PAN3: variants seen among roughly 807,000 people sequenced by gnomAD.
The protein encoded by PAN3 is poly(A) specific ribonuclease subunit PAN3.
A neutral mutation model predicts 96.2 loss-of-function variants in PAN3; 19 were observed. The observed-to-expected ratio is 0.20, with a 90% CI of 0.14 to 0.29. PAN3 has a LOEUF of 0.29. PAN3 is among the 10% of genes least tolerant of loss of function. The pLI is 1.00. For synonymous variants in PAN3, 433 were observed against 406.6 expected (o/e 1.06, Z -0.78); for missense variants, 882 against 1,108.1 (o/e 0.80, Z 2.90).
chr13:28,198,260 A>G (rs558112032), intron 5 of PAN3, among the ~76,000 whole-genome samples: 117 of 151,790 alleles, frequency 7.7e-4, no homozygotes, highest in Middle Eastern at 3.4e-3. Context: ...CACCCACTCC[A>G]GCCTGGGCAA....
At chr13:28,256,040 T>C (rs1286564229) in intron 6 of PAN3, among the ~76,000 whole-genome samples, 2 of 152,180 alleles carry the variant, frequency 1.3e-5, no homozygotes, top group African/African-American at 4.8e-5. Context: ...AACCTTGATA[T>C]GGAGGAGACT....
chr13:28,187,740 T>C (rs1466889730), intron 4 of PAN3, among the ~76,000 whole-genome samples: 1 of 152,234 alleles, frequency 6.6e-6, no homozygotes, highest in Non-Finnish European at 1.5e-5. Context: ...TTTTTGTTTT[T>C]TGAGGGGCAG....
intron 6 of PAN3, among the ~76,000 whole-genome samples, chr13:28,253,615 TAGAG>T (rs1664044793): frequency 6.6e-6 from 1 of 151,694 alleles, no homozygotes; most frequent in African/African-American, 2.4e-5. Flanking sequence ...TTTTTTTCCT[TAGAG>T]AGACAGGGTC....
intron 1 of PAN3, among the ~76,000 whole-genome samples, chr13:28,173,382 T>C (rs534710082): frequency 3.9e-5 from 6 of 152,356 alleles, no homozygotes; most frequent in African/African-American, 9.6e-5. Context: ...TTCAGCCATA[T>C]CCTGAAGTTG....
chr13:28,161,496 T>C (rs1447507862), intron 1 of PAN3, among the ~76,000 whole-genome samples: 1 of 152,206 alleles, frequency 6.6e-6, no homozygotes, highest in Non-Finnish European at 1.5e-5. Flanking sequence ...CCTAATGACC[T>C]CATCTTTAAT....
intron 9 of PAN3, among the ~76,000 whole-genome samples, chr13:28,264,931 T>C (rs569219076): frequency 2.6e-5 from 4 of 152,372 alleles, no homozygotes; most frequent in African/African-American, 9.6e-5. Context: ...ATGGCGACTT[T>C]ACCTCTTACA....
chr13:28,262,582 T>G (rs1393671243), intron 9 of PAN3, among the ~76,000 whole-genome samples: 2 of 152,162 alleles, frequency 1.3e-5, no homozygotes, highest in Non-Finnish European at 2.9e-5. Context: ...TAATATTGTA[T>G]TTGAGGCTTT....
At chr13:28,274,269 C>G (rs1264482371) in intron 14 of PAN3, among the ~76,000 whole-genome samples, 1 of 152,106 alleles carries the variant, frequency 6.6e-6, no homozygotes, top group Non-Finnish European at 1.5e-5. Flanking sequence ...TCATTCTTAT[C>G]TTCTCTCTTA....
Position 28,188,600 on chromosome 13 carries a change from AAAAAAG to A in PAN3, c.691-8573_691-8568del, listed in dbSNP as rs201755613. Among the ~76,000 whole-genome samples the A allele has an allele frequency of 4.0e-5, 6 of 151,154 alleles. No homozygotes were observed. The East Asian group carries it at 1.2e-3, about 30-fold the overall frequency. On this transcript the variant is annotated intron_variant, in intron 4 of 18. Coordinates refer to ENST00000380958, the MANE Select transcript of PAN3 (RefSeq NM_175854.8). ...TGGGCAACAGAAGACTGTCTAGAAAAAAAAAGAAAAAGAAAAAAATTACATTGTTTC... is the reference window on the plus strand; with the variant it reads ...TGGGCAACAGAAGACTGTCTAGAAAAAAAAAGAAAAAAATTACATTGTTTC...
intron 1 of PAN3, among the ~76,000 whole-genome samples, chr13:28,170,457 T>C (rs1482616652): frequency 6.6e-6 from 1 of 152,226 alleles, no homozygotes; most frequent in African/African-American, 2.4e-5. Flanking sequence ...ACCATAGATA[T>C]TTGAATTCTT....
At chr13:28,236,870 CGTTTT>C (rs923101939) in intron 6 of PAN3, among the ~76,000 whole-genome samples, 1 of 152,032 alleles carries the variant, frequency 6.6e-6, no homozygotes, top group African/African-American at 2.4e-5. Flanking sequence ...CTTCCCAAAG[CGTTTT>C]GTTTTGTTTT....
chr13:28,217,355 GCAGAT>G (rs1184239633), intron 5 of PAN3, among the ~76,000 whole-genome samples: 8 of 152,088 alleles, frequency 5.3e-5, no homozygotes, highest in Non-Finnish European at 1.2e-4. Context: ...GCTGAGGTGG[GCAGAT>G]CACTTGAGGC....
chr13:28,266,983 G>T, intron 10 of PAN3, 107 bp downstream of exon 10: 1 of 1,274,992 alleles, frequency 7.8e-7, no homozygotes, highest in Non-Finnish European at 1.0e-6. Context: ...TTTTTATTTG[G>T]AAATTAGTAC....
At chr13:28,171,237 G>A (rs1874263744) in intron 1 of PAN3, among the ~76,000 whole-genome samples, 1 of 151,506 alleles carries the variant, frequency 6.6e-6, no homozygotes, top group Admixed American at 6.6e-5. Flanking sequence ...CATTGTAAAT[G>A]GTTATTACAC....
chr13:28,186,841 G>T (rs1876535579), intron 4 of PAN3, among the ~76,000 whole-genome samples: 1 of 151,926 alleles, frequency 6.6e-6, no homozygotes, highest in East Asian at 1.9e-4. Context: ...AATGCATTTG[G>T]TAAGGGACTG....
At chr13:28,254,925 T>C (rs1885020363) in intron 6 of PAN3, among the ~76,000 whole-genome samples, 1 of 152,154 alleles carries the variant, frequency 6.6e-6, no homozygotes, top group African/African-American at 2.4e-5. Flanking sequence ...TTACCTCACC[T>C]ACCTACTTTA....
At chr13:28,247,441 T>C (rs372646818) in intron 6 of PAN3, among the ~76,000 whole-genome samples, 1 of 152,182 alleles carries the variant, frequency 6.6e-6, no homozygotes, top group African/African-American at 2.4e-5. Context: ...TAGTCTAATA[T>C]AGTCCCATTT....
At chr13:28,256,216 T>G in intron 6 of PAN3, 76 bp from the exon 7 acceptor site, 2 of 1,419,682 alleles carry the variant, frequency 1.4e-6, no homozygotes, top group Non-Finnish European at 1.9e-6. Flanking sequence ...AAATGAATGT[T>G]TGCATTTTAT....
At chr13:28,146,178 T>G (rs1378246254) in intron 1 of PAN3, among the ~76,000 whole-genome samples, 1 of 152,042 alleles carries the variant, frequency 6.6e-6, no homozygotes, top group African/African-American at 2.4e-5. Flanking sequence ...TAATCATTAT[T>G]AATAGTCTGT....
Sources: gnomAD v4.1 joint callset for allele counts (sites outside exome capture counted in the v4.1 genomes callset) on GRCh38, gnomAD v4.1.1 for gene constraint, MANE v1.5 for transcripts, NCBI Gene and HGNC (gene_info 2026-07-23, HGNC 2026-07-21) for gene names.